The following REDIC1 variants were observed in gnomAD, a reference collection of about 807,000 sequenced individuals.
The protein encoded by REDIC1 is HEI10 Interacting Protein 1.
At chr12:39,645,751 CA>C in the REDIC1 span, among the ~76,000 whole-genome samples, 1 of 151,980 alleles carries the variant, frequency 6.6e-6, no homozygotes, top group Non-Finnish European at 1.5e-5. Flanking sequence ...TTATTTTATC[CA>C]GAGAGACAAG....
At chr12:39,662,604 A>G in the REDIC1 span, among the ~76,000 whole-genome samples, 5 of 151,840 alleles carry the variant, frequency 3.3e-5, no homozygotes, top group African/African-American at 7.3e-5. Flanking sequence ...TCCCTTTTCC[A>G]GTTTGGATGC....
the REDIC1 span, among the ~76,000 whole-genome samples, chr12:39,783,464 T>G: frequency 6.6e-6 from 1 of 152,222 alleles, no homozygotes; most frequent in Non-Finnish European, 1.5e-5. Flanking sequence ...CCACAATGGT[T>G]GAACTAGTTT....
At chr12:39,680,705 T>A in the REDIC1 span, among the ~76,000 whole-genome samples, 1 of 151,894 alleles carries the variant, frequency 6.6e-6, no homozygotes, top group African/African-American at 2.4e-5. Context: ...AATTCACAAC[T>A]ACAAAAATAT....
At chr12:39,841,151 T>G in the REDIC1 span, among the ~76,000 whole-genome samples, 1 of 152,246 alleles carries the variant, frequency 6.6e-6, no homozygotes, top group Non-Finnish European at 1.5e-5. Flanking sequence ...GCAAAAAATT[T>G]TATAGTAGTG....
chr12:39,731,351 T>A, the REDIC1 span, among the ~76,000 whole-genome samples: 1 of 152,224 alleles, frequency 6.6e-6, no homozygotes, highest in African/African-American at 2.4e-5. Flanking sequence ...GTGGACATCC[T>A]TTTTGTTGAT....
the REDIC1 span, among the ~76,000 whole-genome samples, chr12:39,766,685 T>G: frequency 6.6e-6 from 1 of 152,126 alleles, no homozygotes; most frequent in Non-Finnish European, 1.5e-5. Context: ...CTTTGTCAAC[T>G]AAGTTCGTGT....
the REDIC1 span, among the ~76,000 whole-genome samples, chr12:39,711,491 ATAT>A: frequency 7.0e-6 from 1 of 143,826 alleles, no homozygotes; most frequent in Non-Finnish European, 1.5e-5. Flanking sequence ...GTATATATGT[ATAT>A]AAGTATGTAT....
chr12:39,656,317 G>A, the REDIC1 span, among the ~76,000 whole-genome samples: 2 of 152,080 alleles, frequency 1.3e-5, no homozygotes, highest in Non-Finnish European at 2.9e-5. Context: ...ATATATGATG[G>A]TGGTCCCATA....
chr12:39,693,125 T>C, the REDIC1 span, among the ~76,000 whole-genome samples: 2 of 152,136 alleles, frequency 1.3e-5, no homozygotes, highest in Non-Finnish European at 2.9e-5. Flanking sequence ...TTAATATGTC[T>C]ATATCTCCTA....
At chr12:39,888,833 T>C in the REDIC1 span, among the ~76,000 whole-genome samples, 346 of 152,306 alleles carry the variant, frequency 2.3e-3, 1 homozygote, top group African/African-American at 7.8e-3. Context: ...TAACTCTATA[T>C]TGTGACACAT....
chr12:39,630,353 A>G, the REDIC1 span, among the ~76,000 whole-genome samples: 4 of 152,322 alleles, frequency 2.6e-5, no homozygotes, highest in Admixed American at 6.5e-5. Context: ...GTTTATTTTT[A>G]TAATTCAGAT....
the REDIC1 span, among the ~76,000 whole-genome samples, chr12:39,809,761 GT>G: frequency 7.9e-5 from 12 of 151,968 alleles, no homozygotes; most frequent in Admixed American, 5.2e-4. Context: ...GCGGTGTTTG[GT>G]TTTTTTGTCC....
At chr12:39,711,520 T>A in the REDIC1 span, among the ~76,000 whole-genome samples, 7 of 137,682 alleles carry the variant, frequency 5.1e-5, no homozygotes, top group South Asian at 1.5e-3. Context: ...TGTATATATG[T>A]GTATATGTGT....
chr12:39,821,133 A>G, the REDIC1 span, among the ~76,000 whole-genome samples: 1 of 151,998 alleles, frequency 6.6e-6, no homozygotes, highest in Non-Finnish European at 1.5e-5. Flanking sequence ...CTCAAAAAAA[A>G]TTTTTCGCAG....
At chr12:39,751,595 A>G in the REDIC1 span, among the ~76,000 whole-genome samples, 146 of 152,352 alleles carry the variant, frequency 9.6e-4, no homozygotes, top group Non-Finnish European at 1.7e-3. Context: ...ATAAAGACAC[A>G]TGGACATGTA....
At chr12:39,699,147 G>A in the REDIC1 span, among the ~76,000 whole-genome samples, 4 of 152,184 alleles carry the variant, frequency 2.6e-5, no homozygotes, top group Non-Finnish European at 5.9e-5. Context: ...CAGCGTGAGC[G>A]ACACAGAAGA....
At chr12:39,895,759 C>T in the REDIC1 span, among the ~76,000 whole-genome samples, 755 of 14,474 alleles carry the variant, frequency 0.052, 139 homozygotes, top group Non-Finnish European at 0.076. Context: ...TGCGTGTATA[C>T]GTACACACAT....
chr12:39,647,314 G>A, the REDIC1 span, among the ~76,000 whole-genome samples: 1 of 151,918 alleles, frequency 6.6e-6, no homozygotes. Flanking sequence ...AATTTTCTTA[G>A]CAAATAAAAT....
chr12:39,769,519 A>T, the REDIC1 span, among the ~76,000 whole-genome samples: 1 of 121,804 alleles, frequency 8.2e-6, no homozygotes, highest in African/African-American at 3.3e-5. Flanking sequence ...TATTTGAGAA[A>T]AGAAAGTTTT....
Sources: gnomAD v4.1 joint callset for allele counts (sites outside exome capture counted in the v4.1 genomes callset) on GRCh38, gnomAD v4.1.1 for gene constraint, MANE v1.5 for transcripts, NCBI Gene and HGNC (gene_info 2026-07-23, HGNC 2026-07-21) for gene names.